Variants in ROBO2 observed in about 807,000 individuals in gnomAD.
ROBO2 encodes the protein roundabout homolog 2.
ROBO2 carries 53 observed loss-of-function variants against 160.8 expected under a neutral mutation model. The ratio of observed to expected loss-of-function variants is 0.33; its 90% CI spans 0.26 to 0.41. The LOEUF (loss-of-function observed/expected upper bound fraction) is 0.41. Among genes scored for constraint, ROBO2 ranks in the 10% least tolerant of loss-of-function variants. The pLI is 1.00. For missense variants in ROBO2, 1,577 were observed against 1,722.4 expected (o/e 0.92, Z 1.49); for synonymous variants, 664 against 611.7 (o/e 1.09, Z -1.26).
chr3:75,958,819 G>A (rs1420603947), intron 2 of ROBO2, among the ~76,000 whole-genome samples: 9 of 151,730 alleles, frequency 5.9e-5, no homozygotes, highest in East Asian at 1.9e-4. Context: ...GATAAAAAAA[G>A]CAGTGTTCTC....
chr3:76,924,974 C>T (rs553109904), intron 2 of ROBO2, among the ~76,000 whole-genome samples: 21 of 151,902 alleles, frequency 1.4e-4, no homozygotes, highest in African/African-American at 4.6e-4. Flanking sequence ...TTTGGGAGGC[C>T]GAGGCGGGCG....
chr3:77,038,498 A>C (rs1418203967), upstream of ROBO2, among the ~76,000 whole-genome samples: 1 of 152,146 alleles, frequency 6.6e-6, no homozygotes, highest in East Asian at 1.9e-4. Flanking sequence ...TAGCAGCACC[A>C]AAACGTATCC....
intron 25 of ROBO2, among the ~76,000 whole-genome samples, 171 bp downstream of exon 27, chr3:77,645,075 T>C (rs2095399093): frequency 6.6e-6 from 1 of 152,250 alleles, no homozygotes; most frequent in Non-Finnish European, 1.5e-5. Context: ...GCTATATTTA[T>C]TGAAGTCCAT....
chr3:77,239,244 G>A (rs1337279178), intron 2 of ROBO2, among the ~76,000 whole-genome samples: 5 of 152,112 alleles, frequency 3.3e-5, no homozygotes, highest in Non-Finnish European at 5.9e-5. Flanking sequence ...TCGTGGTCTC[G>A]CTGACTTCAG....
chr3:76,668,239 A>G (rs2092128903), intron 2 of ROBO2, among the ~76,000 whole-genome samples: 2 of 151,428 alleles, frequency 1.3e-5, no homozygotes, highest in Admixed American at 6.6e-5. Flanking sequence ...AGCTGGGACT[A>G]TAGGAATGTG....
At chr3:77,349,685 C>T (rs1277330685) in intron 2 of ROBO2, among the ~76,000 whole-genome samples, 3 of 152,126 alleles carry the variant, frequency 2.0e-5, no homozygotes, top group Admixed American at 6.5e-5. Context: ...GAGTCTAAGC[C>T]AGTGAATTAT....
At chr3:77,383,056 A>G (rs1013865350) in intron 2 of ROBO2, among the ~76,000 whole-genome samples, 1 of 152,216 alleles carries the variant, frequency 6.6e-6, no homozygotes, top group Non-Finnish European at 1.5e-5. Flanking sequence ...AGCATAAAAT[A>G]GAAACTATTT....
intron 2 of ROBO2, among the ~76,000 whole-genome samples, chr3:77,352,010 A>G (rs2068412655): frequency 6.6e-6 from 1 of 151,738 alleles, no homozygotes; most frequent in Non-Finnish European, 1.5e-5. Context: ...TGACGAGTTA[A>G]TGGGTGCAGC....
chr3:76,460,239 A>G (rs2078010036), intron 2 of ROBO2, among the ~76,000 whole-genome samples: 1 of 152,170 alleles, frequency 6.6e-6, no homozygotes, highest in Non-Finnish European at 1.5e-5. Context: ...GCAGAAAAAA[A>G]AATAGGAAAC....
At chr3:76,710,411 G>A (rs747011738) in intron 2 of ROBO2, among the ~76,000 whole-genome samples, 9 of 152,174 alleles carry the variant, frequency 5.9e-5, no homozygotes, top group African/African-American at 1.7e-4. Flanking sequence ...GAGCCACTGC[G>A]TCCAGCATGT....
At chr3:77,420,967 C>G (rs2077660295) in intron 2 of ROBO2, among the ~76,000 whole-genome samples, 1 of 152,042 alleles carries the variant, frequency 6.6e-6, no homozygotes, top group Admixed American at 6.6e-5. Context: ...CATAAGTTTC[C>G]AACTCACCCC....
At chr3:76,158,644 A>G (rs1207874183) in intron 2 of ROBO2, among the ~76,000 whole-genome samples, 2 of 152,042 alleles carry the variant, frequency 1.3e-5, no homozygotes, top group Admixed American at 6.6e-5. Flanking sequence ...TTTGCTGCCA[A>G]ATGAATGATG....
intron 2 of ROBO2, among the ~76,000 whole-genome samples, chr3:77,116,077 G>A (rs1560042936): frequency 6.6e-6 from 1 of 152,190 alleles, no homozygotes; most frequent in Admixed American, 6.5e-5. Context: ...AGCAAAGTAA[G>A]ACACAGAGAA....
chr3:77,099,153 C>A (rs142910359), intron 2 of ROBO2, among the ~76,000 whole-genome samples: 1 of 148,076 alleles, frequency 6.8e-6, no homozygotes, highest in Non-Finnish European at 1.5e-5. Flanking sequence ...CTCACTGCAA[C>A]CTCTGCCTCA....
intron 2 of ROBO2, among the ~76,000 whole-genome samples, chr3:77,142,057 T>A (rs1427640355): frequency 6.6e-6 from 1 of 152,078 alleles, no homozygotes. Context: ...TGGAAGAGAG[T>A]CATCCAAACT....
At chr3:76,638,386 AT>A (rs1313668144) in intron 2 of ROBO2, among the ~76,000 whole-genome samples, 14 of 152,228 alleles carry the variant, frequency 9.2e-5, no homozygotes, top group Non-Finnish European at 1.9e-4. Context: ...TTGGTGGTCA[AT>A]AATTCAAAGT....
At chr3:76,930,191 T>A (rs2077246992) in intron 2 of ROBO2, among the ~76,000 whole-genome samples, 1 of 151,968 alleles carries the variant, frequency 6.6e-6, no homozygotes, top group African/African-American at 2.4e-5. Flanking sequence ...GCAGGACTAA[T>A]TTTTGTATTT....
At chr3:76,843,345 CAAAAT>C (rs1056377805) in intron 2 of ROBO2, among the ~76,000 whole-genome samples, 5 of 151,634 alleles carry the variant, frequency 3.3e-5, no homozygotes, top group African/African-American at 1.2e-4. Context: ...TCATATGACT[CAAAAT>C]AGAATATTAG....
At chr3:76,763,676 T>C (rs2608160) in intron 2 of ROBO2, among the ~76,000 whole-genome samples, 126,855 of 151,360 alleles carry the variant, frequency 0.84, 53,267 homozygotes, top group Admixed American at 0.86. Flanking sequence ...GAAAGCTAAC[T>C]GGAACCTCAT....
Sources: allele counts gnomAD v4.1 joint callset (sites outside exome capture counted in the v4.1 genomes callset), GRCh38; gene constraint gnomAD v4.1.1; transcripts MANE v1.5; gene names NCBI Gene and HGNC (gene_info 2026-07-23, HGNC 2026-07-21).